Variants in EPC2 observed in about 807,000 individuals in gnomAD.
EPC2 encodes enhancer of polycomb homolog 2.
EPC2 carries 14 observed loss-of-function variants against 92.1 expected under a neutral mutation model. The ratio of observed to expected loss-of-function variants is 0.15; its 90% confidence interval spans 0.10 to 0.24. The LOEUF (loss-of-function observed/expected upper bound fraction) is 0.24. EPC2 is among the 10% of genes least tolerant of loss of function. The pLI, the probability that EPC2 is intolerant of heterozygous loss-of-function variation, is 1.00. For missense variants in EPC2, 755 were observed against 971.5 expected (o/e 0.78, Z 2.96); for synonymous variants, 340 against 334.7 (o/e 1.02, Z -0.17).
At chr2:148,688,129 A>C (rs563689046) in intron 1 of EPC2, among the ~76,000 whole-genome samples, 1 of 152,224 alleles carries the variant, frequency 6.6e-6, no homozygotes, top group Non-Finnish European at 1.5e-5. Context: ...TAGGATTAAG[A>C]ATTTTGGCTT....
intron 1 of EPC2, among the ~76,000 whole-genome samples, chr2:148,664,372 G>A (rs1486611162): frequency 6.6e-6 from 1 of 152,076 alleles, no homozygotes; most frequent in Non-Finnish European, 1.5e-5. Flanking sequence ...GGTGCTGTGT[G>A]CTGTAGTCCC....
At chr2:148,698,557 ACCT>A (rs1175820692) in intron 2 of EPC2, among the ~76,000 whole-genome samples, 1 of 146,566 alleles carries the variant, frequency 6.8e-6, no homozygotes, top group Non-Finnish European at 1.5e-5. Context: ...AATTGCTTGA[ACCT>A]GGGAGGTGGA....
chr2:148,686,571 G>A (rs761438700), intron 1 of EPC2, among the ~76,000 whole-genome samples: 29 of 152,342 alleles, frequency 1.9e-4, no homozygotes, highest in Middle Eastern at 3.4e-3. Context: ...AGATCCATCA[G>A]AGGAATTTAT....
At chr2:148,651,768 T>C (rs1680690798) in intron 1 of EPC2, among the ~76,000 whole-genome samples, 1 of 152,224 alleles carries the variant, frequency 6.6e-6, no homozygotes, top group Non-Finnish European at 1.5e-5. Context: ...TTTGAGCATG[T>C]GCCAGGCACT....
chr2:148,668,518 T>A (rs1681096089), intron 1 of EPC2, among the ~76,000 whole-genome samples: 1 of 152,172 alleles, frequency 6.6e-6, no homozygotes, highest in Non-Finnish European at 1.5e-5. Context: ...GAGTTGGTAT[T>A]GTTTTTCTCC....
chr2:148,771,424 T>C (rs745856256), intron 10 of EPC2, 37 bp downstream of exon 10: 29 of 1,472,804 alleles, frequency 2.0e-5, no homozygotes, highest in Non-Finnish European at 2.7e-5. Flanking sequence ...ATCCTGCTAT[T>C]CTTTTTTACT....
intron 1 of EPC2, among the ~76,000 whole-genome samples, chr2:148,673,800 G>A (rs886135981): frequency 6.6e-6 from 1 of 151,938 alleles, no homozygotes; most frequent in African/African-American, 2.4e-5. Flanking sequence ...TGGTCAGGCT[G>A]GTCTCAAACT....
intron 10 of EPC2, among the ~76,000 whole-genome samples, chr2:148,775,179 A>AT (rs1387924431): frequency 6.6e-6 from 1 of 152,174 alleles, no homozygotes; most frequent in African/African-American, 2.4e-5. Context: ...GAACATGACA[A>AT]TTGAGTAACC....
At chr2:148,649,506 A>G (rs1680619345) in intron 1 of EPC2, among the ~76,000 whole-genome samples, 1 of 152,178 alleles carries the variant, frequency 6.6e-6, no homozygotes, top group African/African-American at 2.4e-5. Context: ...TTGTTGTATG[A>G]GTCTGTTCCT....
At chr2:148,692,133 C>T (rs938824819) in intron 2 of EPC2, 1 of 228,198 alleles carries the variant, frequency 4.4e-6, no homozygotes, top group African/African-American at 2.3e-5. Context: ...CCTCATTCAC[C>T]TTCTTTCATA....
chr2:148,730,222 C>T (rs1445615054), intron 2 of EPC2, among the ~76,000 whole-genome samples: 1 of 152,064 alleles, frequency 6.6e-6, no homozygotes, highest in Non-Finnish European at 1.5e-5. Context: ...CATTCAGGGT[C>T]TTTTAGTACA....
At chr2:148,703,642 C>G (rs1483127337) in intron 2 of EPC2, among the ~76,000 whole-genome samples, 1 of 152,090 alleles carries the variant, frequency 6.6e-6, no homozygotes, top group Non-Finnish European at 1.5e-5. Context: ...ACTTCTCCCA[C>G]CTCAACCTCC....
chr2:148,675,210 T>C (rs966255699), intron 1 of EPC2, among the ~76,000 whole-genome samples: 1 of 152,214 alleles, frequency 6.6e-6, no homozygotes, highest in African/African-American at 2.4e-5. Flanking sequence ...GAGATTTTTT[T>C]TTCCCTTTTC....
intron 3 of EPC2, among the ~76,000 whole-genome samples, chr2:148,748,065 G>A (rs1301894927): frequency 1.3e-5 from 2 of 152,072 alleles, no homozygotes; most frequent in Non-Finnish European, 2.9e-5. Context: ...TCCCCTTGCT[G>A]TTGTCATGAT....
chr2:148,753,881 T>A, intron 3 of EPC2, 46 bp from the exon 4 acceptor site: 1 of 1,534,032 alleles, frequency 6.5e-7, no homozygotes, highest in Non-Finnish European at 8.8e-7. Context: ...CTTTTATTTC[T>A]TTTTGCAAAC....
rs574476253 is a variant in EPC2, at chr2:148,772,548, A to C, written c.1720+1161A>C. On this transcript the variant is annotated intron_variant, in intron 10 of 13. Coordinates refer to ENST00000258484, the MANE Select transcript of EPC2 (RefSeq NM_015630.4). ...TAGCTACTGAACTGCCTGTTTTCCA[A>C]CTTGACTCGTACAGTGATTTGTTTA... Among the ~76,000 whole-genome samples, 3 of 152,182 alleles carry C rather than the reference A, an allele frequency of 2.0e-5. No homozygotes were observed. The East Asian group carries it at 5.8e-4, about 29-fold the overall frequency.
At chr2:148,746,869 C>T (rs1156696879) in intron 3 of EPC2, among the ~76,000 whole-genome samples, 1 of 151,662 alleles carries the variant, frequency 6.6e-6, no homozygotes, top group African/African-American at 2.4e-5. Flanking sequence ...AATGTTAAAG[C>T]AAATACAAAA....
chr2:148,657,883 T>TG (rs1680838135), intron 1 of EPC2, among the ~76,000 whole-genome samples: 1 of 144,662 alleles, frequency 6.9e-6, no homozygotes, highest in East Asian at 2.4e-4. Flanking sequence ...TATCACTCAT[T>TG]TTGTGTGTGT....
chr2:148,669,713 G>A (rs1681117578), intron 1 of EPC2, among the ~76,000 whole-genome samples: 1 of 152,230 alleles, frequency 6.6e-6, no homozygotes, highest in East Asian at 1.9e-4. Flanking sequence ...CTCAAAATTT[G>A]TAAAGTTACT....
Sources: allele counts gnomAD v4.1 joint callset (sites outside exome capture counted in the v4.1 genomes callset), GRCh38; gene constraint gnomAD v4.1.1; transcripts MANE v1.5; gene names NCBI Gene and HGNC (gene_info 2026-07-23, HGNC 2026-07-21).